The following COQ3 variants were observed in gnomAD, a reference collection of about 807,000 sequenced individuals.
COQ3 encodes coenzyme Q3, methyltransferase.
COQ3 carries 29 observed loss-of-function variants against 33.1 expected under a neutral mutation model. The ratio of observed to expected loss-of-function variants is 0.88; its 90% CI spans 0.65 to 1.19. The LOEUF is 1.19. Among genes scored for constraint, COQ3 ranks in the 50% most tolerant of loss-of-function variants. The pLI is 0.00. For synonymous variants in COQ3, 173 were observed against 157.8 expected, an observed-to-expected ratio of 1.10 and a Z score of -0.72; for missense variants, 437 against 430.7, an observed-to-expected ratio of 1.01 and a Z score of -0.13.
At chr6:99,388,118 C>T (rs1022336365) in intron 1 of COQ3, among the ~76,000 whole-genome samples, 7 of 151,870 alleles carry the variant, frequency 4.6e-5, no homozygotes, top group Non-Finnish European at 1.0e-4. Flanking sequence ...GAGCAGAGGT[C>T]GCACCATTGC....
chr6:99,390,309 A>T (rs1774786807), intron 1 of COQ3, among the ~76,000 whole-genome samples: 1 of 150,598 alleles, frequency 6.6e-6, no homozygotes, highest in Non-Finnish European at 1.5e-5. Context: ...TGGTTTTCCC[A>T]CACTGTCACC....
chr6:99,385,084 C>G (rs1774586509), intron 1 of COQ3, among the ~76,000 whole-genome samples: 2 of 152,230 alleles, frequency 1.3e-5, no homozygotes, highest in African/African-American at 4.8e-5. Context: ...GTACTCCAGC[C>G]TGGGCGACAG....
At position 99,369,572 on chromosome 6, in the gene COQ3, C is replaced by T. The variant is rs1226487299; in HGVS notation, c.*28G>A. ...TATTTGAAAACATCAGATATCCAAG[C>T]CATATTACTATAGTTCTCAGAAACA... On this transcript the variant is annotated 3_prime_UTR_variant, in exon 7 of 7. Transcript: ENST00000254759. The T allele has an allele frequency of 1.4e-6, 2 of 1,464,246 alleles. No individual in the cohort carries two copies. Among genetic ancestry groups the T allele is most frequent in the South Asian group, 1.2e-5 (1 of 86,538 alleles). 90.7% of individuals were successfully genotyped at this position (1,464,246 alleles called of 1,614,324 possible). A position where few individuals can be genotyped will look rare whatever the true frequency, so the allele number is the denominator to read the frequency against.
At chr6:99,372,117 G>A (rs976466468) in intron 5 of COQ3, among the ~76,000 whole-genome samples, 5 of 152,070 alleles carry the variant, frequency 3.3e-5, no homozygotes, top group African/African-American at 1.2e-4. Flanking sequence ...AAAATATAAA[G>A]AGTGGCCGGC....
chr6:99,383,797 G>C lies in COQ3; in HGVS notation c.134C>G (p.Thr45Ser). The part of the protein sequence containing the change: ...AVYVKNQLSG[T>S]LQIKPGVFNE... ...GAAAACCCCTGGTTTAATCTGTAGA[G>C]TCCCACTGAGCTGGTTCTTCACATA... The change falls in exon 2 of 7, where the codon ACT becomes AGT. Residue 45 changes from threonine to serine, a missense_variant. Thr to Ser is a moderately conservative substitution (Grantham distance 58). Coordinates refer to ENST00000254759, the MANE Select transcript of COQ3 (RefSeq NM_017421.4). The C allele has an allele frequency of 6.3e-7, 1 of 1,585,198 alleles. No individual in the cohort carries two copies. Among genetic ancestry groups the C allele is most frequent in the Non-Finnish European group, 8.6e-7 (1 of 1,169,188 alleles).
intron 1 of COQ3, 106 bp downstream of exon 1, chr6:99,393,968 C>G: frequency 1.1e-6 from 1 of 882,464 alleles, no homozygotes; most frequent in South Asian, 1.4e-5. Context: ...CGCGCTGACC[C>G]CTCGCGAGGT....
intron 3 of COQ3, among the ~76,000 whole-genome samples, chr6:99,379,762 G>C (rs1774412839): frequency 3.3e-5 from 5 of 151,992 alleles, no homozygotes; most frequent in Admixed American, 3.3e-4. Context: ...GGCTGAGGCA[G>C]GAGAATCGCT....
chr6:99,382,265 GA>G, intron 2 of COQ3, among the ~76,000 whole-genome samples: 1 of 152,152 alleles, frequency 6.6e-6, no homozygotes, highest in Admixed American at 6.5e-5. Flanking sequence ...CAGGAGTAAA[GA>G]GGGATTAGAT....
At chr6:99,390,922 T>C (rs1774806525) in intron 1 of COQ3, among the ~76,000 whole-genome samples, 1 of 152,198 alleles carries the variant, frequency 6.6e-6, no homozygotes. Flanking sequence ...TGGTCATTTA[T>C]ATTTCACATC....
chr6:99,381,481 T>A (rs1035389443), intron 2 of COQ3, among the ~76,000 whole-genome samples: 2 of 152,174 alleles, frequency 1.3e-5, no homozygotes, highest in African/African-American at 4.8e-5. Flanking sequence ...TTCTTTGGAC[T>A]GGCCATGCAT....
chr6:99,380,279 G>T lies in COQ3; in HGVS notation c.296C>A (p.Thr99Asn), dbSNP rs761237295. The T allele has an allele frequency of 6.2e-7, 1 of 1,614,074 alleles. No homozygotes were observed. The highest frequency in any genetic ancestry group is 8.5e-7 in the Non-Finnish European group (1 of 1,180,004). The stretch of plus-strand genomic sequence containing the variant: ...CCATTTGTGAGCCAGGGCCAAGAAG[G>T]TTTTTACCTCACCGCTGTCGACAGT... The part of the protein sequence containing the change: ...QTTVDSGEVK[T>N]FLALAHKWWD... The change falls in exon 3 of 7, where the codon ACC becomes AAC. Residue 99 changes from threonine (T) to asparagine (N), a missense_variant. By Grantham distance (65) the Thr-to-Asn change is moderately conservative (BLOSUM62 0). Coordinates refer to ENST00000254759, the MANE Select transcript of COQ3 (RefSeq NM_017421.4).
chr6:99,393,667 G>GA (rs1042979022), intron 1 of COQ3, among the ~76,000 whole-genome samples: 1 of 152,098 alleles, frequency 6.6e-6, no homozygotes, highest in Non-Finnish European at 1.5e-5. Context: ...AATTCTTTCT[G>GA]AAAAAAACAG....
At position 99,380,302 on chromosome 6, in the gene COQ3, A is replaced by C. The variant is rs755314655; in HGVS notation, c.273T>G (p.Thr91=). ...AGGTTTTTACCTCACCGCTGTCGACAGTGGTTTGGGAAGTACTGTACAGTC... is the reference window on the plus strand; with the variant it reads ...AGGTTTTTACCTCACCGCTGTCGACCGTGGTTTGGGAAGTACTGTACAGTC... ...WARLYSTSQT[T]VDSGEVKTFL... Residue 91 remains threonine, a synonymous_variant, in exon 3 of 7, where the codon ACT becomes ACG. Coordinates refer to ENST00000254759, the MANE Select transcript of COQ3 (RefSeq NM_017421.4). 6.2e-7 allele frequency: 1 copy of C among 1,614,124 alleles called. No homozygotes were observed. Among genetic ancestry groups the C allele is most frequent in the South Asian group, 1.1e-5 (1 of 91,084 alleles).
chr6:99,388,926 CACACA>C (rs763112606), intron 1 of COQ3, among the ~76,000 whole-genome samples: 153 of 121,550 alleles, frequency 1.3e-3, no homozygotes, highest in Non-Finnish European at 2.5e-3. Flanking sequence ...CACACACACA[CACACA>C]CACCCACATC....
chr6:99,378,325 G>T (rs1774366613), intron 3 of COQ3, among the ~76,000 whole-genome samples: 1 of 151,642 alleles, frequency 6.6e-6, no homozygotes, highest in Non-Finnish European at 1.5e-5. Flanking sequence ...ATTTTGGAAA[G>T]TTATAACATA....
chr6:99,393,313 T>C (rs1042480372), intron 1 of COQ3, among the ~76,000 whole-genome samples: 2 of 152,228 alleles, frequency 1.3e-5, no homozygotes, highest in African/African-American at 4.8e-5. Flanking sequence ...CTGTACTATT[T>C]TTCACTGTAT....
In COQ3 at chr6:99,383,687, A is replaced by C; in HGVS notation, c.233+11T>G. On this transcript the variant is annotated intron_variant, in intron 2 of 6. Coordinates refer to ENST00000254759, the MANE Select transcript of COQ3 (RefSeq NM_017421.4). The stretch of plus-strand genomic sequence containing the variant: ...TTACGTGAATATTTGCCACAGTAAT[A>C]ATAAACCCACCTGAAACTCTTTATT... 1 of 1,561,134 alleles carries C rather than the reference A, an allele frequency of 6.4e-7. No homozygotes were observed. Among genetic ancestry groups the C allele is most frequent in the Non-Finnish European group, 8.6e-7 (1 of 1,159,682 alleles).
At chr6:99,381,174 T>A (rs1371275396) in intron 2 of COQ3, among the ~76,000 whole-genome samples, 1 of 152,140 alleles carries the variant, frequency 6.6e-6, no homozygotes, top group African/African-American at 2.4e-5. Context: ...GCACCCATCA[T>A]CTCTTGCCTG....
chr6:99,378,319 T>TG (rs1348202190), intron 3 of COQ3, among the ~76,000 whole-genome samples: 1 of 151,826 alleles, frequency 6.6e-6, no homozygotes, highest in East Asian at 1.9e-4. Flanking sequence ...TAGATCATTT[T>TG]GGAAAGTTAT....
Sources: gnomAD v4.1 joint callset for allele counts (sites outside exome capture counted in the v4.1 genomes callset) on GRCh38, gnomAD v4.1.1 for gene constraint, MANE v1.5 for transcripts, NCBI Gene and HGNC (gene_info 2026-07-23, HGNC 2026-07-21) for gene names.